Variants in ABTB3 observed in about 807,000 individuals in gnomAD.
ABTB3 encodes ankyrin repeat and BTB domain containing 3.
the ABTB3 span, among the ~76,000 whole-genome samples, chr12:107,490,245 C>T: frequency 6.6e-6 from 1 of 152,256 alleles, no homozygotes; most frequent in African/African-American, 2.4e-5. Context: ...TGTGGGTTTG[C>T]ACTTGCACAT....
chr12:107,641,280 C>G, the ABTB3 span, among the ~76,000 whole-genome samples: 1 of 152,148 alleles, frequency 6.6e-6, no homozygotes, highest in Non-Finnish European at 1.5e-5. Flanking sequence ...ACAGCATAGA[C>G]AAACCAGATC....
the ABTB3 span, among the ~76,000 whole-genome samples, chr12:107,341,350 T>C: frequency 1.3e-5 from 2 of 151,824 alleles, no homozygotes; most frequent in African/African-American, 2.4e-5. Context: ...GGCAGGGGAG[T>C]CTAGCAGTGA....
At chr12:107,584,014 G>A in the ABTB3 span, among the ~76,000 whole-genome samples, 1 of 152,186 alleles carries the variant, frequency 6.6e-6, no homozygotes, top group Non-Finnish European at 1.5e-5. Flanking sequence ...TAAATAGTAA[G>A]TGAAGGATTT....
At chr12:107,351,459 C>A in the ABTB3 span, among the ~76,000 whole-genome samples, 2 of 152,154 alleles carry the variant, frequency 1.3e-5, no homozygotes, top group Non-Finnish European at 2.9e-5. Context: ...GCTTCTAATG[C>A]CCTACTATGA....
At chr12:107,539,793 A>T in the ABTB3 span, among the ~76,000 whole-genome samples, 4 of 151,922 alleles carry the variant, frequency 2.6e-5, no homozygotes, top group Non-Finnish European at 5.9e-5. Flanking sequence ...ATTATTCCTC[A>T]CCTGAGAGGT....
chr12:107,526,300 G>T, the ABTB3 span, among the ~76,000 whole-genome samples: 554 of 152,234 alleles, frequency 3.6e-3, 1 homozygote, highest in Non-Finnish European at 5.5e-3. Context: ...ACACCAGCTG[G>T]CAATTCTTTG....
chr12:107,649,350 C>A, the ABTB3 span: 3 of 1,376,250 alleles, frequency 2.2e-6, no homozygotes, highest in Non-Finnish European at 3.1e-6. Flanking sequence ...GGGTCACCAG[C>A]CTGCATGGAA....
chr12:107,523,840 T>C, the ABTB3 span, among the ~76,000 whole-genome samples: 4 of 152,188 alleles, frequency 2.6e-5, 1 homozygote, highest in Middle Eastern at 6.3e-3. Context: ...CCTAGAAATG[T>C]AGGATCTGGC....
chr12:107,461,586 C>T, the ABTB3 span, among the ~76,000 whole-genome samples: 2 of 91,646 alleles, frequency 2.2e-5, no homozygotes, highest in Non-Finnish European at 2.4e-5. Flanking sequence ...ACCCAGGAAA[C>T]GAATCCATTC....
chr12:107,614,583 C>A, the ABTB3 span, among the ~76,000 whole-genome samples: 1 of 152,280 alleles, frequency 6.6e-6, no homozygotes, highest in East Asian at 1.9e-4. Context: ...AGAACCACCA[C>A]CCTCTGCTAG....
At chr12:107,496,445 T>C in the ABTB3 span, among the ~76,000 whole-genome samples, 1 of 152,270 alleles carries the variant, frequency 6.6e-6, no homozygotes, top group Non-Finnish European at 1.5e-5. Flanking sequence ...GATATAAAGA[T>C]GCAAAATGAA....
the ABTB3 span, among the ~76,000 whole-genome samples, chr12:107,618,812 C>T: frequency 6.6e-6 from 1 of 152,234 alleles, no homozygotes; most frequent in African/African-American, 2.4e-5. Context: ...TGAGGAATCA[C>T]TGCCTTTAGA....
chr12:107,491,293 C>A, the ABTB3 span, among the ~76,000 whole-genome samples: 2 of 152,198 alleles, frequency 1.3e-5, no homozygotes, highest in Non-Finnish European at 2.9e-5. Flanking sequence ...TTCCCCAGGC[C>A]TGCTCACACC....
chr12:107,335,648 G>A, the ABTB3 span, among the ~76,000 whole-genome samples: 2 of 152,138 alleles, frequency 1.3e-5, no homozygotes, highest in Non-Finnish European at 2.9e-5. Flanking sequence ...TCCTGCTCTG[G>A]CATCCCATGA....
chr12:107,506,409 C>T, the ABTB3 span, among the ~76,000 whole-genome samples: 1 of 152,058 alleles, frequency 6.6e-6, no homozygotes, highest in South Asian at 2.1e-4. Flanking sequence ...TGACACATGT[C>T]AGGCAAAGGG....
At chr12:107,433,266 C>T in the ABTB3 span, among the ~76,000 whole-genome samples, 10 of 130,292 alleles carry the variant, frequency 7.7e-5, no homozygotes, top group Admixed American at 8.7e-5. Flanking sequence ...GTCCGCAGTC[C>T]GGCCTGGGCG....
At chr12:107,620,222 A>G in the ABTB3 span, 4 of 1,585,374 alleles carry the variant, frequency 2.5e-6, no homozygotes, top group African/African-American at 2.7e-5. Context: ...GGAGGTTCCC[A>G]GATCTGAACG....
At chr12:107,580,863 G>T in the ABTB3 span, 1 of 1,548,098 alleles carries the variant, frequency 6.5e-7, no homozygotes, top group South Asian at 1.2e-5. Context: ...TCCCAGATCA[G>T]TTACCTCCTA....
At chr12:107,645,928 G>A in the ABTB3 span, among the ~76,000 whole-genome samples, 3 of 152,212 alleles carry the variant, frequency 2.0e-5, no homozygotes, top group Non-Finnish European at 4.4e-5. Context: ...AAGAAGAAAA[G>A]CCTCATGTGT....
Sources: gnomAD v4.1 joint callset for allele counts (sites outside exome capture counted in the v4.1 genomes callset) on GRCh38, gnomAD v4.1.1 for gene constraint, MANE v1.5 for transcripts, NCBI Gene and HGNC (gene_info 2026-07-23, HGNC 2026-07-21) for gene names.